TBL1XR1: variants seen among roughly 807,000 people sequenced by gnomAD.
The protein encoded by TBL1XR1 is TBL1X/Y related 1.
A neutral mutation model predicts 66.9 loss-of-function variants in TBL1XR1; 5 were observed. That is an observed-to-expected ratio of 0.07 (90% CI 0.04 to 0.16). The LOEUF (loss-of-function observed/expected upper bound fraction) is 0.16, where lower values mean the gene tolerates loss of function less well. Ranked by LOEUF, TBL1XR1 falls within the 10% of genes least tolerant of loss-of-function variation. The probability of loss-of-function intolerance (pLI) is 1.00; values close to 1 mark genes in which losing one functional copy is unlikely to be tolerated. For synonymous variants in TBL1XR1, 210 were observed against 206.0 expected (o/e 1.02, Z -0.17); for missense variants, 238 against 623.2 (o/e 0.38, Z 6.58).
intron 1 of TBL1XR1, among the ~76,000 whole-genome samples, chr3:177,125,446 G>A (rs925469185): frequency 1.4e-4 from 21 of 152,112 alleles, no homozygotes; most frequent in African/African-American, 4.6e-4. Context: ...ACTGCTGGTG[G>A]AAATGCAAAA....
At chr3:177,185,987 G>C (rs1424070093) in intron 1 of TBL1XR1, among the ~76,000 whole-genome samples, 1 of 152,106 alleles carries the variant, frequency 6.6e-6, no homozygotes, top group Non-Finnish European at 1.5e-5. Context: ...CTCCAGCCCA[G>C]GTGACAGAGC....
intron 1 of TBL1XR1, among the ~76,000 whole-genome samples, chr3:177,130,804 A>G (rs1265085466): frequency 6.6e-6 from 1 of 152,226 alleles, no homozygotes; most frequent in Non-Finnish European, 1.5e-5. Context: ...GAAAAGGTCC[A>G]TCTAGAAATG....
At chr3:177,106,241 T>C (rs1560181635) in intron 1 of TBL1XR1, among the ~76,000 whole-genome samples, 1 of 152,188 alleles carries the variant, frequency 6.6e-6, no homozygotes, top group Non-Finnish European at 1.5e-5. Flanking sequence ...GCAGAAGTTA[T>C]AGAAAGGTAT....
At position 177,023,999 on chromosome 3, in the gene TBL1XR1, A is replaced by T. The variant is rs1712733803; in HGVS notation, c.*1499T>A. The T allele has an allele frequency of 6.6e-6, 1 of 152,022 alleles. No homozygotes were observed. Among genetic ancestry groups the T allele is most frequent in the Non-Finnish European group, 1.5e-5 (1 of 67,920 alleles). The allele number at this position is 152,022 out of a possible 1,614,324, so 9.4% of individuals were successfully genotyped here. On this transcript the variant is annotated 3_prime_UTR_variant, in exon 16 of 16. Transcript: ENST00000457928. ...GCCTCATGCAATCATTTGTCTGTAT[A>T]TGTTACTCTAAGTTGCATGAGCACA...
intron 1 of TBL1XR1, among the ~76,000 whole-genome samples, chr3:177,100,431 T>C (rs569290994): frequency 2.8e-4 from 43 of 152,120 alleles, no homozygotes; most frequent in African/African-American, 8.7e-4. Flanking sequence ...TAATGTACTT[T>C]TTTTTTTTTT....
chr3:177,163,055 A>G (rs1172269895), intron 1 of TBL1XR1, among the ~76,000 whole-genome samples: 5 of 152,198 alleles, frequency 3.3e-5, no homozygotes, highest in Non-Finnish European at 7.3e-5. Context: ...TATTTATCAT[A>G]CAGATATCCT....
At chr3:177,076,622 A>G (rs1720738379) in intron 2 of TBL1XR1, among the ~76,000 whole-genome samples, 1 of 152,178 alleles carries the variant, frequency 6.6e-6, no homozygotes, top group African/African-American at 2.4e-5. Flanking sequence ...TGCCCCTTCC[A>G]TGCTGTAGAA....
At chr3:177,072,210 G>A (rs1439426174) in intron 2 of TBL1XR1, among the ~76,000 whole-genome samples, 1 of 152,178 alleles carries the variant, frequency 6.6e-6, no homozygotes, top group Non-Finnish European at 1.5e-5. Flanking sequence ...TTATACTAAT[G>A]ACAAAATGTG....
chr3:177,114,162 CA>C (rs1560191346), intron 1 of TBL1XR1, among the ~76,000 whole-genome samples: 1 of 151,926 alleles, frequency 6.6e-6, no homozygotes, highest in Non-Finnish European at 1.5e-5. Context: ...TGGGGTAATG[CA>C]TTTATTAATT....
At chr3:177,123,400 T>C (rs950693919) in intron 1 of TBL1XR1, among the ~76,000 whole-genome samples, 1 of 152,056 alleles carries the variant, frequency 6.6e-6, no homozygotes, top group Non-Finnish European at 1.5e-5. Context: ...GAGCCAATTA[T>C]TTCCAACCAA....
chr3:177,101,117 A>C (rs1724153194), intron 1 of TBL1XR1, among the ~76,000 whole-genome samples: 1 of 152,120 alleles, frequency 6.6e-6, no homozygotes, highest in Non-Finnish European at 1.5e-5. Flanking sequence ...TCAGCCTCCC[A>C]AACTGCTGGG....
chr3:177,149,771 C>A (rs1010952056), intron 1 of TBL1XR1, among the ~76,000 whole-genome samples: 4 of 152,164 alleles, frequency 2.6e-5, no homozygotes, highest in Non-Finnish European at 5.9e-5. Flanking sequence ...TTCAATGTAT[C>A]ATAAATAAAA....
At chr3:177,027,640 T>C (rs571060659) in intron 14 of TBL1XR1, 3 of 152,208 alleles carry the variant, frequency 2.0e-5, no homozygotes, top group African/African-American at 7.2e-5. Flanking sequence ...CAACAAACCA[T>C]GCACCTTGAA....
In TBL1XR1 at chr3:177,131,492, CATT is replaced by C. The variant is rs145472051; in HGVS notation, c.-121-32954_-121-32952del. The C allele has an allele frequency of 8.3e-4, 481 of 578,670 alleles. 17 individuals are homozygous for C. The East Asian group carries it at 0.047, about 57-fold the overall frequency. The allele number at this position is 578,670 out of a possible 1,614,324, so 35.8% of individuals were successfully genotyped here. On this transcript the variant is annotated intron_variant, in intron 1 of 15. Transcript: ENST00000457928. ...AAAAAAAAACTAAATTAAAAAAACACATTGTCATTCTGAATATCTTTTTTTTTT... is the reference window on the plus strand; with the variant it reads ...AAAAAAAAACTAAATTAAAAAAACACGTCATTCTGAATATCTTTTTTTTTT...
chr3:177,179,055 T>C (rs1373181999), intron 1 of TBL1XR1, among the ~76,000 whole-genome samples: 2 of 147,118 alleles, frequency 1.4e-5, no homozygotes, highest in Non-Finnish European at 3.0e-5. Flanking sequence ...AGGTGGCAAT[T>C]GCAGTGAGCC....
chr3:177,174,746 C>G (rs1177604922), intron 1 of TBL1XR1, among the ~76,000 whole-genome samples: 2 of 152,122 alleles, frequency 1.3e-5, no homozygotes, highest in Non-Finnish European at 2.9e-5. Flanking sequence ...ACACTACTAC[C>G]AGCTCAACTT....
intron 14 of TBL1XR1, chr3:177,032,571 G>A (rs920638027): frequency 6.5e-6 from 1 of 154,074 alleles, no homozygotes; most frequent in African/African-American, 2.4e-5. Context: ...TAATGTAGTT[G>A]TAAGTTTCTT....
intron 1 of TBL1XR1, among the ~76,000 whole-genome samples, chr3:177,149,994 C>T (rs1053116019): frequency 1.3e-5 from 2 of 152,034 alleles, no homozygotes; most frequent in African/African-American, 2.4e-5. Context: ...TATTTGTTAT[C>T]CCAGATTATC....
Position 177,019,609 on chromosome 3 carries a change from A to C in TBL1XR1, c.*5889T>G, listed in dbSNP as rs1191537426. On this transcript the variant is annotated 3_prime_UTR_variant, in exon 16 of 16. Transcript: ENST00000457928. ...TCCTCCACTGTATTTTTTCAAATGA[A>C]TATATTGGTAAAACAGTAAACTTTG... 6.6e-6 allele frequency: 1 copy of C among 152,214 alleles called. No homozygotes were observed. Among genetic ancestry groups the C allele is most frequent in the Non-Finnish European group, 1.5e-5 (1 of 68,034 alleles). The allele number at this position is 152,214 out of a possible 1,614,324, so 9.4% of individuals were successfully genotyped here.
Sources: gnomAD v4.1 joint callset for allele counts (sites outside exome capture counted in the v4.1 genomes callset) on GRCh38, gnomAD v4.1.1 for gene constraint, MANE v1.5 for transcripts, NCBI Gene and HGNC (gene_info 2026-07-23, HGNC 2026-07-21) for gene names.